Variants in FGF14 observed in about 807,000 individuals in gnomAD.
FGF14 encodes fibroblast growth factor 14.
In FGF14, 5 loss-of-function variants were observed where a neutral mutation model predicts 25.5. The ratio of observed to expected loss-of-function variants is 0.20; its 90% CI spans 0.10 to 0.41. The LOEUF (loss-of-function observed/expected upper bound fraction) is 0.41. Among genes scored for constraint, FGF14 ranks in the 10% least tolerant of loss-of-function variants. The probability of loss-of-function intolerance (pLI) is 1.00; values close to 1 mark genes in which losing one functional copy is unlikely to be tolerated. For synonymous variants in FGF14, 138 were observed against 118.3 expected, an observed-to-expected ratio of 1.17 and a Z score of -1.08; for missense variants, 222 against 320.1, an observed-to-expected ratio of 0.69 and a Z score of 2.34.
intron 1 of FGF14, among the ~76,000 whole-genome samples, chr13:101,904,149 G>T (rs865949578): frequency 1.3e-5 from 2 of 152,166 alleles, no homozygotes; most frequent in Non-Finnish European, 1.5e-5. Flanking sequence ...AGGTCTCTGC[G>T]TGTTAACAGA....
At chr13:101,954,699 A>AGTGTGTGTGTGT (rs5806259) in intron 1 of FGF14, among the ~76,000 whole-genome samples, 1 of 150,764 alleles carries the variant, frequency 6.6e-6, no homozygotes, top group East Asian at 2.0e-4. Flanking sequence ...ATTCACTGAA[A>AGTGTGTGTGTGT]GTGTGTGTGT....
chr13:102,374,947 G>A (rs1422199666), intron 1 of FGF14, among the ~76,000 whole-genome samples: 1 of 151,828 alleles, frequency 6.6e-6, no homozygotes, highest in Non-Finnish European at 1.5e-5. Context: ...GAATATGTGA[G>A]ATGTGAGAGA....
At chr13:102,210,154 T>A (rs576788625) in intron 1 of FGF14, among the ~76,000 whole-genome samples, 184 of 151,352 alleles carry the variant, frequency 1.2e-3, no homozygotes, top group East Asian at 2.1e-3. Flanking sequence ...GAAAAAAAAA[T>A]TTTTAATTTA....
intron 1 of FGF14, among the ~76,000 whole-genome samples, chr13:101,980,928 G>A (rs773542561): frequency 1.3e-5 from 2 of 151,546 alleles, no homozygotes; most frequent in African/African-American, 4.8e-5. Flanking sequence ...CCTCCTCAAC[G>A]GAGTAAGTAC....
At chr13:101,944,024 AAC>A (rs2035647214) in intron 1 of FGF14, among the ~76,000 whole-genome samples, 2 of 146,344 alleles carry the variant, frequency 1.4e-5, no homozygotes, top group African/African-American at 5.1e-5. Flanking sequence ...ACAAAAAAAA[AAC>A]ATGGTAAAAA....
intron 1 of FGF14, among the ~76,000 whole-genome samples, chr13:102,347,560 G>C (rs914205764): frequency 2.0e-5 from 3 of 152,160 alleles, no homozygotes; most frequent in Non-Finnish European, 2.9e-5. Flanking sequence ...AGTAAGGCCT[G>C]CTGCGGAAAT....
chr13:101,938,987 G>A (rs2139300182), intron 1 of FGF14, among the ~76,000 whole-genome samples: 1 of 152,268 alleles, frequency 6.6e-6, no homozygotes, highest in Admixed American at 6.5e-5. Context: ...CTGATGGCCA[G>A]GGATGTGCTA....
chr13:101,739,977 A>G (rs1314511322), intron 3 of FGF14, among the ~76,000 whole-genome samples: 1 of 152,208 alleles, frequency 6.6e-6, no homozygotes, highest in East Asian at 1.9e-4. Context: ...CATAGATTTC[A>G]GGCATTGTAT....
intron 3 of FGF14, among the ~76,000 whole-genome samples, chr13:101,824,324 T>G (rs1170053795): frequency 6.6e-6 from 1 of 152,206 alleles, no homozygotes; most frequent in African/African-American, 2.4e-5. Flanking sequence ...ATATTTACTT[T>G]GTGTGTGTGC....
intron 1 of FGF14, among the ~76,000 whole-genome samples, chr13:102,153,276 G>A (rs187412517): frequency 1.3e-5 from 2 of 152,288 alleles, no homozygotes; most frequent in African/African-American, 4.8e-5. Context: ...ATTTTTATAT[G>A]TAGATGCCCC....
rs551516962 is a variant in FGF14, at chr13:102,278,252, G to A, written c.208+123219C>T. On this transcript the variant is annotated intron_variant, in intron 1 of 4. Coordinates refer to the FGF14 transcript ENST00000376131. ...CTTTCTTCACATATGACAAAACAAT[G>A]GAGGCCCAGTGAGGTAAAACGGTTT... Among the ~76,000 whole-genome samples, 3 of 152,282 alleles carry A rather than the reference G, an allele frequency of 2.0e-5. No homozygotes were observed. In the East Asian group the frequency reaches 5.8e-4, roughly 29 times the overall value.
intron 1 of FGF14, among the ~76,000 whole-genome samples, chr13:102,350,067 T>A (rs777423933): frequency 6.6e-6 from 1 of 152,224 alleles, no homozygotes; most frequent in Non-Finnish European, 1.5e-5. Flanking sequence ...CACACACTTG[T>A]GAAAACATTC....
chr13:101,914,861 T>C (rs529813366), intron 1 of FGF14, among the ~76,000 whole-genome samples: 1 of 152,300 alleles, frequency 6.6e-6, no homozygotes, highest in African/African-American at 2.4e-5. Context: ...TAAAAGATAG[T>C]CTGTTTGATG....
In FGF14 at chr13:102,225,331, G is replaced by A. The variant is rs535865537; in HGVS notation, c.208+176140C>T. Among the ~76,000 whole-genome samples the A allele has an allele frequency of 1.3e-5, 2 of 152,224 alleles. 1 individual carries two copies. Among genetic ancestry groups the A allele is most frequent in the African/African-American group, 4.8e-5 (2 of 41,534 alleles). ...ACTTCAACATCCACCTCTTCAAGGT[G>A]ACATTGCTAGACAGAGTAACTATAC... On this transcript the variant is annotated intron_variant, in intron 1 of 4. Coordinates refer to the FGF14 transcript ENST00000376131.
chr13:101,846,006 A>G (rs981134366), intron 3 of FGF14, among the ~76,000 whole-genome samples: 2 of 151,998 alleles, frequency 1.3e-5, no homozygotes, highest in African/African-American at 2.4e-5. Flanking sequence ...TTGTTCACTC[A>G]AAGTCCAGTG....
At chr13:102,329,729 G>C (rs1566941197) in intron 1 of FGF14, among the ~76,000 whole-genome samples, 2 of 151,762 alleles carry the variant, frequency 1.3e-5, no homozygotes, top group Non-Finnish European at 2.9e-5. Context: ...TCATTACTAA[G>C]CACCCCTGCT....
chr13:102,220,467 T>C (rs961525075), intron 1 of FGF14, among the ~76,000 whole-genome samples: 4 of 152,232 alleles, frequency 2.6e-5, no homozygotes, highest in African/African-American at 9.6e-5. Flanking sequence ...GAAGGACAGC[T>C]ACATATCTTG....
chr13:102,174,967 G>A (rs1755187017), intron 1 of FGF14, among the ~76,000 whole-genome samples: 1 of 152,040 alleles, frequency 6.6e-6, no homozygotes. Context: ...ACGAATAAGT[G>A]GAGAAACATT....
chr13:101,751,328 C>T (rs1234057316), intron 3 of FGF14, among the ~76,000 whole-genome samples: 1 of 152,074 alleles, frequency 6.6e-6, no homozygotes, highest in Non-Finnish European at 1.5e-5. Context: ...GAACGCTCTA[C>T]TTACTGCTCA....
Sources: allele counts gnomAD v4.1 joint callset (sites outside exome capture counted in the v4.1 genomes callset), GRCh38; gene constraint gnomAD v4.1.1; transcripts MANE v1.5; gene names NCBI Gene and HGNC (gene_info 2026-07-23, HGNC 2026-07-21).